NCKAP5: variants seen among roughly 807,000 people sequenced by gnomAD.
The protein encoded by NCKAP5 is nck-associated protein 5.
NCKAP5 carries 92 observed loss-of-function variants against 167.0 expected under a neutral mutation model. That is an observed-to-expected ratio of 0.55 (90% confidence interval 0.47 to 0.66). The LOEUF (loss-of-function observed/expected upper bound fraction) is 0.66, where lower values mean the gene tolerates loss of function less well. NCKAP5 is among the 30% of genes least tolerant of loss of function. The pLI is 0.00. For synonymous variants in NCKAP5, 891 were observed against 877.4 expected, an observed-to-expected ratio of 1.02 and a Z score of -0.27; for missense variants, 2,378 against 2,315.0, an observed-to-expected ratio of 1.03 and a Z score of -0.56.
chr2:133,445,920 G>T (rs1691162814), intron 3 of NCKAP5, among the ~76,000 whole-genome samples: 1 of 152,174 alleles, frequency 6.6e-6, no homozygotes. Context: ...CTGGACCAAG[G>T]GATTTAGACA....
intron 19 of NCKAP5, among the ~76,000 whole-genome samples, chr2:132,693,787 G>A (rs1176064230): frequency 2.0e-5 from 3 of 151,720 alleles, no homozygotes; most frequent in Non-Finnish European, 2.9e-5. Context: ...CACCATGCCC[G>A]GCTAATTTTT....
At chr2:133,288,551 T>C (rs1679331470) in intron 4 of NCKAP5, among the ~76,000 whole-genome samples, 1 of 152,152 alleles carries the variant, frequency 6.6e-6, no homozygotes, top group Non-Finnish European at 1.5e-5. Context: ...TGCTCTGTTT[T>C]TTAATATTGT....
rs952792810 is a variant in NCKAP5, at chr2:132,782,289, T to C, written c.4522A>G (p.Ser1508Gly). The stretch of plus-strand genomic sequence containing the variant: ...CTACTCTTCCGAAAACCAAACCAGC[T>C]GGCAAAAGAAGGCCCAGGCTTCTGC... The part of the protein sequence containing the change: ...AKQKPGPSFA[S>G]WFGFRKSRLP... Residue 1508 changes from serine (S) to glycine (G), a missense_variant, in exon 14 of 20, where the codon AGC becomes GGC. Ser to Gly is a moderately conservative substitution (Grantham distance 56). This residue lies in a region of NCKAP5 where 1,325 missense variants were observed against 1,274.5 expected (regional missense o/e 1.04). Coordinates refer to ENST00000409261, the MANE Select transcript of NCKAP5 (RefSeq NM_207363.3). 1.2e-6 allele frequency: 2 copies of C among 1,613,952 alleles called. No individual in the cohort carries two copies. The highest frequency in any genetic ancestry group is 2.7e-5 in the African/African-American group (2 of 74,948).
chr2:133,515,689 G>C (rs1683921704), intron 3 of NCKAP5, among the ~76,000 whole-genome samples: 1 of 152,194 alleles, frequency 6.6e-6, no homozygotes, highest in Non-Finnish European at 1.5e-5. Context: ...TTTTACTTAT[G>C]CCCATTTTCA....
chr2:133,213,890 A>G, intron 4 of NCKAP5, 111 bp from the exon 5 acceptor site: 1 of 953,208 alleles, frequency 1.0e-6, no homozygotes, highest in Non-Finnish European at 1.7e-6. Context: ...TCCTTGGTTT[A>G]GCTCACTTCC....
chr2:132,780,806 G>A (rs1223286684), intron 15 of NCKAP5, among the ~76,000 whole-genome samples: 4 of 152,128 alleles, frequency 2.6e-5, no homozygotes, highest in Admixed American at 6.5e-5. Flanking sequence ...TATACTCAAC[G>A]TTCTGAAAAC....
intron 11 of NCKAP5, among the ~76,000 whole-genome samples, chr2:132,821,688 G>GGGT (rs1686747796): frequency 2.0e-5 from 3 of 152,122 alleles, no homozygotes; most frequent in African/African-American, 7.2e-5. Context: ...GGCAAAGTGT[G>GGGT]AGTGGGGAAC....
At chr2:133,419,896 T>G (rs1210872677) in intron 3 of NCKAP5, among the ~76,000 whole-genome samples, 1 of 152,238 alleles carries the variant, frequency 6.6e-6, no homozygotes, top group Non-Finnish European at 1.5e-5. Context: ...ATACACGCAT[T>G]CACAAAGCAG....
chr2:132,709,390 ACAATAGGTTCAGCCAAGTT>A (rs1688651067), intron 19 of NCKAP5, among the ~76,000 whole-genome samples: 1 of 152,090 alleles, frequency 6.6e-6, no homozygotes, highest in South Asian at 2.1e-4. Context: ...GGGGCACGAT[ACAATAGGTTCAGCCAAGTT>A]AAAAGTTGGT....
intron 4 of NCKAP5, among the ~76,000 whole-genome samples, chr2:133,256,540 T>G (rs988694479): frequency 2.6e-5 from 4 of 152,158 alleles, no homozygotes; most frequent in Admixed American, 1.3e-4. Context: ...GTCCACATAT[T>G]AAAAAGCAAG....
chr2:133,285,956 T>C (rs1679088832), intron 4 of NCKAP5, among the ~76,000 whole-genome samples: 1 of 152,202 alleles, frequency 6.6e-6, no homozygotes, highest in Non-Finnish European at 1.5e-5. Context: ...AGGTCAGGAA[T>C]TATCAAATTT....
At chr2:133,256,586 TA>T (rs1482708981) in intron 4 of NCKAP5, among the ~76,000 whole-genome samples, 3 of 152,154 alleles carry the variant, frequency 2.0e-5, no homozygotes, top group Non-Finnish European at 4.4e-5. Flanking sequence ...ATTTGTAGTT[TA>T]AAAAAATAGA....
Position 132,818,367 on chromosome 2 carries a change from A to C in NCKAP5, c.808-21638T>G, listed in dbSNP as rs541869691. Among the ~76,000 whole-genome samples, 215 of 152,312 alleles carry C rather than the reference A, an allele frequency of 1.4e-3. 1 individual carries two copies. Among genetic ancestry groups the C allele is most frequent in the African/African-American group, 4.9e-3 (204 of 41,572 alleles). The stretch of plus-strand genomic sequence containing the variant: ...AATGCAGATTCTCAGGAGTTTCTGA[A>C]ATGAGACCTCAGGAATCCATGAATA... On this transcript the variant is annotated intron_variant, in intron 11 of 19. Transcript: ENST00000409261.
At chr2:132,910,157 T>C (rs1238657960) in intron 8 of NCKAP5, among the ~76,000 whole-genome samples, 2 of 152,078 alleles carry the variant, frequency 1.3e-5, no homozygotes, top group African/African-American at 4.8e-5. Context: ...ATTTATGGGG[T>C]ACATGAGATG....
chr2:133,189,690 A>G (rs929476846), intron 5 of NCKAP5, among the ~76,000 whole-genome samples: 21 of 152,224 alleles, frequency 1.4e-4, no homozygotes, highest in Admixed American at 6.5e-4. Context: ...AAATCACATG[A>G]TTATCTCAAT....
At chr2:133,011,013 A>C (rs1203324319) in intron 6 of NCKAP5, among the ~76,000 whole-genome samples, 1 of 152,240 alleles carries the variant, frequency 6.6e-6, no homozygotes, top group African/African-American at 2.4e-5. Context: ...AATAAAAAAT[A>C]AGGAAAATTA....
chr2:133,522,552 C>A (rs1684558023), intron 2 of NCKAP5, among the ~76,000 whole-genome samples: 1 of 152,054 alleles, frequency 6.6e-6, no homozygotes, highest in Non-Finnish European at 1.5e-5. Flanking sequence ...TTCTGTGTTC[C>A]CCTAGGTAGT....
chr2:133,132,513 ACAC>A (rs2082642336), intron 5 of NCKAP5, among the ~76,000 whole-genome samples: 1 of 150,476 alleles, frequency 6.6e-6, no homozygotes, highest in Admixed American at 6.7e-5. Flanking sequence ...ACACACACAC[ACAC>A]AAACCCTGAT....
rs959102438 is a variant in NCKAP5 at position 133,113,978 on chromosome 2, T to C, written c.341+16000A>G. Among the ~76,000 whole-genome samples, 3 of 152,234 alleles carry C rather than the reference T, an allele frequency of 2.0e-5. 1 individual carries two copies. In the South Asian group the frequency reaches 6.2e-4, roughly 31 times the overall value. ...ATGCTTGATTCGGCCTTCCAGGTCA[T>C]GATGAAGATACATTCATCAAGGAGA... On this transcript the variant is annotated intron_variant, in intron 6 of 19. Transcript: ENST00000409261.
Sources: gnomAD v4.1 joint callset for allele counts (sites outside exome capture counted in the v4.1 genomes callset) on GRCh38, gnomAD v4.1.1 for gene constraint, gnomAD v4.1.1 regional missense constraint, MANE v1.5 for transcripts, NCBI Gene and HGNC (gene_info 2026-07-23, HGNC 2026-07-21) for gene names.